The following GYS1 variants were observed in gnomAD, a reference collection of about 807,000 sequenced individuals.
GYS1 encodes glycogen [starch] synthase, muscle.
GYS1 carries 60 observed loss-of-function variants against 89.1 expected under a neutral mutation model. The observed-to-expected ratio is 0.67, with a 90% confidence interval of 0.55 to 0.84. The LOEUF (loss-of-function observed/expected upper bound fraction) is 0.84. GYS1 is among the 40% of genes least tolerant of loss of function. The probability of loss-of-function intolerance (pLI) is 0.00; values close to 1 mark genes in which losing one functional copy is unlikely to be tolerated. For missense variants in GYS1, 888 were observed against 1,003.1 expected (o/e 0.89, Z 1.55); for synonymous variants, 366 against 401.7 (o/e 0.91, Z 1.06).
rs767898665 is a variant in GYS1 at position 48,970,887 on chromosome 19, TCAAGCCCCCTTC to T, written c.1645+29_1645+40del. On this transcript the variant is annotated intron_variant, in intron 13 of 15. Transcript: ENST00000323798. ...TCCCAGGATCCAGGAGTCACTGTTC[TCAAGCCCCCTTC>T]CAGAATCCTCAGGGGCCTGGGCGCT... 27 of 1,515,514 alleles carry T rather than the reference TCAAGCCCCCTTC, an allele frequency of 1.8e-5. No individual in the cohort carries two copies. In the South Asian group the frequency reaches 2.9e-4, roughly 16 times the overall value. 93.9% of individuals were successfully genotyped at this position (1,515,514 alleles called of 1,614,324 possible).
intron 14 of GYS1, chr19:48,970,175 G>A: frequency 6.3e-6 from 3 of 475,768 alleles, no homozygotes; most frequent in East Asian, 8.1e-5. Context: ...CTAGGATGGA[G>A]TGCAGTGGGT....
intron 1 of GYS1, among the ~76,000 whole-genome samples, chr19:48,992,198 C>T (rs1006268503): frequency 2.0e-5 from 3 of 152,134 alleles, no homozygotes; most frequent in African/African-American, 7.2e-5. Context: ...CCTTTCTCCT[C>T]CAAGACCCAG....
intron 14 of GYS1, chr19:48,970,166 T>C (rs2038536492): frequency 1.9e-5 from 9 of 482,628 alleles, no homozygotes; most frequent in South Asian, 8.7e-5. Context: ...TCTGTTACTC[T>C]AGGATGGAGT....
At chr19:48,973,423 G>A (rs992269534) in intron 12 of GYS1, among the ~76,000 whole-genome samples, 25 of 151,448 alleles carry the variant, frequency 1.7e-4, no homozygotes, top group African/African-American at 5.8e-4. Flanking sequence ...GGCTGACCGC[G>A]ACTCCTAATT....
chr19:48,968,388 G>A lies in GYS1; in HGVS notation c.*900C>T, dbSNP rs1369193622. On this transcript the variant is annotated 3_prime_UTR_variant, in exon 16 of 16. Transcript: ENST00000323798. ...GGATCAGTATGCAGTAACGTGGTAA[G>A]GTTCCAGATCTAGAAGCCAGGACCT... is the stretch of plus-strand genomic sequence containing the variant. The A allele has an allele frequency of 2.2e-6, 1 of 454,524 alleles. No individual in the cohort carries two copies. Among genetic ancestry groups the A allele is most frequent in the Non-Finnish European group, 4.4e-6 (1 of 226,796 alleles). The allele number at this position is 454,524 out of a possible 1,614,324, so 28.2% of individuals were successfully genotyped here.
At chr19:48,979,293 C>T (rs1035443884) in intron 8 of GYS1, among the ~76,000 whole-genome samples, 1 of 149,300 alleles carries the variant, frequency 6.7e-6, no homozygotes, top group Non-Finnish European at 1.5e-5. Flanking sequence ...TAGCTCTGGC[C>T]TCATTTATTT....
In GYS1 at chr19:48,975,874, T is replaced by C. The variant is rs2038639053; in HGVS notation, c.1309-1141A>G. Among the ~76,000 whole-genome samples, 5 of 129,340 alleles carry C rather than the reference T, an allele frequency of 3.9e-5. No individual in the cohort carries two copies. The East Asian group carries it at 8.9e-4, about 23-fold the overall frequency. The allele number at this position is 129,340 out of a possible 152,430, so 84.9% of individuals were successfully genotyped here. On this transcript the variant is annotated intron_variant, in intron 10 of 15. Transcript: ENST00000323798. ...TTGAAGTGAGCCAAGATCGCGCCACTGCACTCCAGCCTGGGCGACAGAGCG... is the reference window on the plus strand; with the variant it reads ...TTGAAGTGAGCCAAGATCGCGCCACCGCACTCCAGCCTGGGCGACAGAGCG...
intron 10 of GYS1, 107 bp downstream of exon 10, chr19:48,977,817 G>A: frequency 1.2e-6 from 1 of 829,846 alleles, no homozygotes; most frequent in Non-Finnish European, 2.1e-6. Context: ...AAGGGCTGCA[G>A]GAGAAAGCAG....
At chr19:48,989,391 A>T (rs964639359) in intron 2 of GYS1, among the ~76,000 whole-genome samples, 2 of 150,612 alleles carry the variant, frequency 1.3e-5, no homozygotes, top group African/African-American at 2.4e-5. Context: ...CCGAGGCAGG[A>T]GAATTGCTTG....
Position 48,985,456 on chromosome 19 carries a change from C to A in GYS1, c.823+5G>T. On this transcript the variant is annotated splice_donor_5th_base_variant and intron_variant, in intron 5 of 15. Transcript: ENST00000323798. ...CACGTCTGGGGACTTCAGCCCAGCC[C>A]CTACCTGGTTTCCTCTTGAGCAAGT... is the stretch of plus-strand genomic sequence containing the variant. 1 of 1,613,372 alleles carries A rather than the reference C, an allele frequency of 6.2e-7. No homozygotes were observed. Among genetic ancestry groups the A allele is most frequent in the South Asian group, 1.1e-5 (1 of 91,084 alleles).
chr19:48,986,626 C>T (rs1260011459), intron 3 of GYS1, among the ~76,000 whole-genome samples: 2 of 151,958 alleles, frequency 1.3e-5, no homozygotes, highest in Admixed American at 6.6e-5. Context: ...TCTCAGCCTC[C>T]CAAGTAGCTG....
At position 48,969,931 on chromosome 19, in the gene GYS1, C is replaced by A. The variant is rs191960034; in HGVS notation, c.1810-76G>T. The A allele has an allele frequency of 1.1e-4, 109 of 956,810 alleles. 1 individual carries two copies. In the African/African-American group the frequency reaches 1.6e-3, roughly 14 times the overall value. 59.3% of individuals were successfully genotyped at this position (956,810 alleles called of 1,614,324 possible). A position where few individuals can be genotyped will look rare whatever the true frequency, so the allele number is the denominator to read the frequency against. ...CCCAGGCAGATGATGGGGGTCTTGGCCACACCCTTTATGCAGATGAGCACA... is the reference window on the plus strand; with the variant it reads ...CCCAGGCAGATGATGGGGGTCTTGGACACACCCTTTATGCAGATGAGCACA... On this transcript the variant is annotated intron_variant, in intron 14 of 15. Coordinates refer to ENST00000323798, the MANE Select transcript of GYS1 (RefSeq NM_002103.5).
At chr19:48,972,196 G>T (rs1170799912) in intron 12 of GYS1, among the ~76,000 whole-genome samples, 3 of 152,036 alleles carry the variant, frequency 2.0e-5, no homozygotes, top group African/African-American at 7.2e-5. Flanking sequence ...AAATTAGCTG[G>T]GTGTGGTGGC....
In GYS1 at chr19:48,969,591, TG is replaced by T; in HGVS notation, c.1910del (p.Pro637HisfsTer205). 6.5e-7 allele frequency: 1 copy of T among 1,538,306 alleles called. No individual in the cohort carries two copies. The highest frequency in any genetic ancestry group is 8.7e-7 in the Non-Finnish European group (1 of 1,147,246). On this transcript the variant is annotated frameshift_variant, in exon 16 of 16. Coordinates refer to ENST00000323798, the MANE Select transcript of GYS1 (RefSeq NM_002103.5). LOFTEE classifies it high-confidence loss of function. ...EADAAQGYRY[P>X]RPASVPPSPS... is the part of the protein sequence containing the mutation. Reference sequence around the variant, plus strand: ...GCGACGGTGGCACCGAGGCTGGCCGTGGGTAGCGGTACCCCTGGGCCTGCAT... The same window carrying T: ...GCGACGGTGGCACCGAGGCTGGCCGTGGTAGCGGTACCCCTGGGCCTGCAT...
Position 48,991,282 on chromosome 19 carries a change from T to C in GYS1, c.300+20A>G. On this transcript the variant is annotated intron_variant, in intron 2 of 15. Transcript: ENST00000323798. This position sits in a 1 kb window ranked among gnomAD's most constrained non-coding sequence, Gnocchi z 4.7. ...GCAGGCTGTCCACCCGCTTCTGCCCTGGGCTGGGCCACGTCCCACCTTGCA... is the reference window on the plus strand; with the variant it reads ...GCAGGCTGTCCACCCGCTTCTGCCCCGGGCTGGGCCACGTCCCACCTTGCA... 4.3e-6 allele frequency: 7 copies of C among 1,612,426 alleles called. No individual in the cohort carries two copies. Among genetic ancestry groups the C allele is most frequent in the Non-Finnish European group, 5.9e-6 (7 of 1,179,640 alleles).
rs1287854746 is a variant in GYS1, at chr19:48,968,674, G to T, written c.*614C>A. ...GGCCAAAGTGTAGGGGATGACAGGA[G>T]CCGGATGGAGGGATCCTCCAGGCAG... On this transcript the variant is annotated 3_prime_UTR_variant, in exon 16 of 16. Coordinates refer to ENST00000323798, the MANE Select transcript of GYS1 (RefSeq NM_002103.5). The T allele has an allele frequency of 2.2e-6, 1 of 454,158 alleles. No homozygotes were observed. Among genetic ancestry groups the T allele is most frequent in the South Asian group, 1.6e-5 (1 of 64,480 alleles). The allele number at this position is 454,158 out of a possible 1,614,324, so 28.1% of individuals were successfully genotyped here.
At chr19:48,983,506 T>C (rs574115362) in intron 5 of GYS1, among the ~76,000 whole-genome samples, 1 of 152,334 alleles carries the variant, frequency 6.6e-6, no homozygotes, top group African/African-American at 2.4e-5. Flanking sequence ...AAAGTCCTGC[T>C]TCTCCTAGGA....
Position 48,982,786 on chromosome 19 carries a change from T to A in GYS1, c.875A>T (p.Glu292Val). The A allele has an allele frequency of 1.2e-6, 2 of 1,614,030 alleles. No homozygotes were observed. Among genetic ancestry groups the A allele is most frequent in the Non-Finnish European group, 1.7e-6 (2 of 1,179,868 alleles). ...LNVKKFSAMH[E>V]FQNLHAQSKA... ...GCTCTGAGCATGGAGGTTCTGGAAC[T>A]CATGCATGGCAGAAAACTTCTTCAC... The change falls in exon 6 of 16, where the codon GAG (glutamate) becomes GTG (valine). Residue 292 changes from glutamate to valine, a missense_variant. Glu to Val is a moderately radical substitution (Grantham distance 121, BLOSUM62 -2). Transcript: ENST00000323798.
At chr19:48,976,770 CGTGT>C (rs374689058) in intron 10 of GYS1, among the ~76,000 whole-genome samples, 2 of 151,632 alleles carry the variant, frequency 1.3e-5, no homozygotes, top group Non-Finnish European at 1.5e-5. Context: ...TTCCTTCTTT[CGTGT>C]GTGTGTGTAT....
Sources: allele counts gnomAD v4.1 joint callset (sites outside exome capture counted in the v4.1 genomes callset), GRCh38; gene constraint gnomAD v4.1.1; non-coding constraint Gnocchi (gnomAD v3.1); transcripts MANE v1.5; gene names NCBI Gene and HGNC (gene_info 2026-07-23, HGNC 2026-07-21).